The following PCDHA2 variants were observed in gnomAD, a reference collection of about 807,000 sequenced individuals.
PCDHA2 encodes protocadherin alpha-2.
A neutral mutation model predicts 66.0 loss-of-function variants in PCDHA2; 58 were observed. The ratio of observed to expected loss-of-function variants is 0.88; its 90% CI spans 0.71 to 1.09. PCDHA2 has a LOEUF of 1.09. Among genes scored for constraint, PCDHA2 ranks in the 50% least tolerant of loss-of-function variants. PCDHA2 has a pLI of 0.00. For missense variants in PCDHA2, 1,267 were observed against 1,242.3 expected (o/e 1.02, Z -0.30); for synonymous variants, 634 against 554.0 (o/e 1.14, Z -2.03).
At chr5:140,910,482 C>T (rs1439012617) in intron 1 of PCDHA2, among the ~76,000 whole-genome samples, 3 of 152,178 alleles carry the variant, frequency 2.0e-5, no homozygotes, top group African/African-American at 7.2e-5. Flanking sequence ...ATCTGGCATA[C>T]AGAGAAGAGC....
chr5:140,824,246 A>G (rs1229487680), intron 1 of PCDHA2: 1 of 1,453,814 alleles, frequency 6.9e-7, no homozygotes, highest in East Asian at 2.3e-5. Flanking sequence ...ATTGTGGTAC[A>G]CAATTATTGC....
chr5:140,917,260 G>A (rs2077984179), intron 1 of PCDHA2, among the ~76,000 whole-genome samples: 2 of 143,736 alleles, frequency 1.4e-5, no homozygotes, highest in South Asian at 4.4e-4. Flanking sequence ...CTCACCTGAT[G>A]TTTGGTTTTT....
At chr5:140,908,958 T>C (rs555962129) in intron 1 of PCDHA2, among the ~76,000 whole-genome samples, 2 of 152,268 alleles carry the variant, frequency 1.3e-5, no homozygotes, top group East Asian at 3.9e-4. Context: ...AGAAGGAATA[T>C]CTTGATAGGC....
chr5:140,885,941 T>G (rs2060783691), intron 1 of PCDHA2, among the ~76,000 whole-genome samples: 1 of 152,196 alleles, frequency 6.6e-6, no homozygotes, highest in Non-Finnish European at 1.5e-5. Flanking sequence ...TTTTTTGACA[T>G]TTTTAATTAA....
At chr5:140,868,963 A>G in intron 1 of PCDHA2, 2 of 1,423,054 alleles carry the variant, frequency 1.4e-6, no homozygotes, top group Non-Finnish European at 1.9e-6. Context: ...TCCCATACAA[A>G]GGAACTCCAT....
chr5:140,871,301 C>T lies in PCDHA2; in HGVS notation c.2388+73949C>T, dbSNP rs781904724. 1.9e-6 allele frequency: 3 copies of T among 1,613,800 alleles called. No individual in the cohort carries two copies. In the African/African-American group the frequency reaches 4.0e-5, roughly 22 times the overall value. ...ACGCCCACTGAGGGCGCGTGCGCGC[C>T]GGGGAAGCCCACGCTGGTGTGCTCC... is the stretch of plus-strand genomic sequence containing the variant. On this transcript the variant is annotated intron_variant, in intron 1 of 3. Coordinates refer to ENST00000526136, the MANE Select transcript of PCDHA2 (RefSeq NM_018905.3).
chr5:140,815,634 T>C (rs1410900627), intron 1 of PCDHA2: 1 of 152,116 alleles, frequency 6.6e-6, no homozygotes, highest in East Asian at 1.9e-4. Context: ...AGTATTATAG[T>C]ATTCTGTTTT....
chr5:140,807,666 C>T, intron 1 of PCDHA2: 3 of 1,614,226 alleles, frequency 1.9e-6, no homozygotes, highest in Non-Finnish European at 2.5e-6. Context: ...GCCTCGGATG[C>T]AGATATCGGG....
chr5:140,877,994 G>A lies in PCDHA2; in HGVS notation c.2388+80642G>A, dbSNP rs1349448705. On this transcript the variant is annotated intron_variant, in intron 1 of 3. Coordinates refer to ENST00000526136, the MANE Select transcript of PCDHA2 (RefSeq NM_018905.3). Reference sequence around the variant, plus strand: ...ATTCTTACTCATTTTGAACTTTTATGTATTTGTCTAACATTAATGAAGGAA... The same window carrying A: ...ATTCTTACTCATTTTGAACTTTTATATATTTGTCTAACATTAATGAAGGAA... The A allele has an allele frequency of 8.3e-6, 9 of 1,078,340 alleles. No homozygotes were observed. The Admixed American group carries it at 1.0e-4, about 12-fold the overall frequency. 66.8% of individuals were successfully genotyped at this position (1,078,340 alleles called of 1,614,324 possible). A position where few individuals can be genotyped will look rare whatever the true frequency, so the allele number is the denominator to read the frequency against.
intron 1 of PCDHA2, chr5:140,814,980 A>G (rs2126660632): frequency 6.6e-6 from 1 of 152,188 alleles, no homozygotes; most frequent in Non-Finnish European, 1.5e-5. Context: ...CTTAAAGACT[A>G]TTTTGTGTGA....
intron 1 of PCDHA2, chr5:140,875,499 G>A (rs782342111): frequency 1.9e-6 from 3 of 1,613,354 alleles, no homozygotes; most frequent in Non-Finnish European, 2.5e-6. Context: ...CAAGAGGCCC[G>A]GGATCCCAGC....
chr5:140,830,645 T>C, intron 1 of PCDHA2: 1 of 469,736 alleles, frequency 2.1e-6, no homozygotes, highest in Non-Finnish European at 3.4e-6. Context: ...CTTTGCTTCT[T>C]TAATATTCAT....
chr5:140,803,063 T>C lies in PCDHA2; in HGVS notation c.2388+5711T>C, dbSNP rs374457025. On this transcript the variant is annotated intron_variant, in intron 1 of 3. Coordinates refer to ENST00000526136, the MANE Select transcript of PCDHA2 (RefSeq NM_018905.3). ...GGACCGGCGGTGCGCGCATCCCGTT[T>C]CGCGTGGGGCTGTACACGGGAGAGA... 2.0e-5 allele frequency: 32 copies of C among 1,613,978 alleles called. No homozygotes were observed. In the South Asian group the frequency reaches 3.3e-4, roughly 17 times the overall value.
At chr5:140,870,880 G>T in intron 1 of PCDHA2, 1 of 1,613,948 alleles carries the variant, frequency 6.2e-7, no homozygotes. Context: ...GGTGGCGAAG[G>T]TGCGCGCAGT....
intron 3 of PCDHA2, chr5:140,988,853 A>G (rs1216953693): frequency 1.3e-5 from 2 of 152,208 alleles, no homozygotes; most frequent in Non-Finnish European, 2.9e-5. Flanking sequence ...AAACCTATCC[A>G]GTCTCATGTG....
intron 1 of PCDHA2, chr5:140,829,213 G>A (rs2150163973): frequency 6.2e-7 from 1 of 1,614,218 alleles, no homozygotes; most frequent in Non-Finnish European, 8.5e-7. Context: ...TAATTAGCGT[G>A]AACGACCTCG....
intron 1 of PCDHA2, among the ~76,000 whole-genome samples, chr5:140,879,733 A>G (rs1213918807): frequency 6.6e-6 from 1 of 152,218 alleles, no homozygotes; most frequent in African/African-American, 2.4e-5. Flanking sequence ...GTCCAAAATC[A>G]AGGTGTTGTC....
intron 1 of PCDHA2, chr5:140,830,053 C>G (rs782097929): frequency 6.2e-7 from 1 of 1,613,734 alleles, no homozygotes; most frequent in Admixed American, 1.7e-5. Flanking sequence ...TGAAAGACCA[C>G]GGTGAGCCGG....
intron 1 of PCDHA2, among the ~76,000 whole-genome samples, chr5:140,958,131 G>A (rs1164407997): frequency 3.9e-5 from 6 of 152,076 alleles, no homozygotes; most frequent in African/African-American, 1.4e-4. Context: ...AAATGTATCA[G>A]TGTGTATATT....
Sources: allele counts gnomAD v4.1 joint callset (sites outside exome capture counted in the v4.1 genomes callset), GRCh38; gene constraint gnomAD v4.1.1; transcripts MANE v1.5; gene names NCBI Gene and HGNC (gene_info 2026-07-23, HGNC 2026-07-21).